CDH13: variants seen among roughly 807,000 people sequenced by gnomAD.
CDH13 encodes cadherin 13.
Under a neutral mutation model 63.8 loss-of-function variants are expected in CDH13, and 24 were observed. The observed-to-expected ratio is 0.38, with a 90% CI of 0.27 to 0.53. The LOEUF is 0.53. CDH13 is among the 20% of genes least tolerant of loss of function. The pLI is 0.85. For synonymous variants in CDH13, 503 were observed against 355.3 expected (o/e 1.42, Z -4.67); for missense variants, 1,049 against 903.1 (o/e 1.16, Z -2.07).
At position 83,215,770 on chromosome 16, in the gene CDH13, T is replaced by G. The variant is rs139224428; in HGVS notation, c.484-1575T>G. Among the ~76,000 whole-genome samples the G allele has an allele frequency of 2.3e-3, 353 of 152,298 alleles. 3 individuals are homozygous for G. Among genetic ancestry groups the G allele is most frequent in the African/African-American group, 8.2e-3 (339 of 41,574 alleles). ...CAACAGGTGCCTGTTCGTTTGTAAT[T>G]TGGTGACAGCTAGATCTGTATCAGC... is the stretch of plus-strand genomic sequence containing the variant. On this transcript the variant is annotated intron_variant, in intron 4 of 13. Transcript: ENST00000567109.
intron 2 of CDH13, among the ~76,000 whole-genome samples, chr16:83,003,388 G>T (rs562995098): frequency 2.4e-4 from 35 of 146,834 alleles, no homozygotes; most frequent in Non-Finnish European, 3.9e-4. Context: ...GCTTAAGTGG[G>T]TTTTTTTTTT....
At chr16:83,238,469 G>A (rs925791153) in intron 5 of CDH13, among the ~76,000 whole-genome samples, 2 of 152,198 alleles carry the variant, frequency 1.3e-5, no homozygotes, top group Admixed American at 1.3e-4. Flanking sequence ...ATGACATGGG[G>A]GGATTGTGGA....
At chr16:82,706,638 TAA>T (rs761433255) in intron 1 of CDH13, among the ~76,000 whole-genome samples, 4 of 134,572 alleles carry the variant, frequency 3.0e-5, no homozygotes, top group Non-Finnish European at 1.6e-5. Context: ...CTACTAAAAC[TAA>T]AAAAAAAAAA....
chr16:82,721,557 T>C (rs1370632442), intron 1 of CDH13, among the ~76,000 whole-genome samples: 3 of 152,078 alleles, frequency 2.0e-5, no homozygotes. Flanking sequence ...GTACTCCAGG[T>C]AGAAGTAACA....
At chr16:83,074,244 T>A (rs1022565294) in intron 3 of CDH13, among the ~76,000 whole-genome samples, 14 of 152,222 alleles carry the variant, frequency 9.2e-5, no homozygotes, top group African/African-American at 2.9e-4. Flanking sequence ...GTGCGATATT[T>A]CTCTTTCTGT....
intron 1 of CDH13, among the ~76,000 whole-genome samples, chr16:82,701,347 T>G (rs1444059030): frequency 6.6e-6 from 1 of 152,146 alleles, no homozygotes; most frequent in African/African-American, 2.4e-5. Context: ...TTTCTACAAC[T>G]TTGACTTCCA....
intron 5 of CDH13, among the ~76,000 whole-genome samples, chr16:83,243,754 G>A (rs1904708640): frequency 6.6e-6 from 1 of 152,178 alleles, no homozygotes; most frequent in Non-Finnish European, 1.5e-5. Flanking sequence ...GTCTTGTCCG[G>A]AGCAAACTGG....
chr16:83,442,532 T>C (rs1567675271), intron 6 of CDH13, among the ~76,000 whole-genome samples: 1 of 137,326 alleles, frequency 7.3e-6, no homozygotes, highest in Non-Finnish European at 1.5e-5. Context: ...AGCTTTGACC[T>C]GGAAAACTTT....
chr16:83,307,766 C>T (rs916804274), intron 5 of CDH13, among the ~76,000 whole-genome samples: 3 of 152,122 alleles, frequency 2.0e-5, no homozygotes, highest in African/African-American at 7.2e-5. Flanking sequence ...ATTTTTTCCC[C>T]GGAAATGTTA....
At chr16:83,056,111 A>C (rs1006005358) in intron 3 of CDH13, among the ~76,000 whole-genome samples, 2 of 152,214 alleles carry the variant, frequency 1.3e-5, no homozygotes, top group African/African-American at 4.8e-5. Flanking sequence ...GGTTTTTAGC[A>C]TCACTAGTCA....
chr16:82,662,328 C>T (rs190566727), intron 1 of CDH13, among the ~76,000 whole-genome samples: 134 of 152,196 alleles, frequency 8.8e-4, no homozygotes, highest in African/African-American at 2.7e-3. Context: ...CTTGAGGAGG[C>T]GGGGGTAGAT....
intron 3 of CDH13, among the ~76,000 whole-genome samples, chr16:83,040,565 A>G (rs1388543914): frequency 1.8e-4 from 28 of 152,170 alleles, no homozygotes; most frequent in Admixed American, 1.8e-3. Context: ...TGGAGGCCAG[A>G]GACTCAGCCA....
chr16:82,825,817 G>A (rs575598201), intron 1 of CDH13: 1 of 150,804 alleles, frequency 6.6e-6, no homozygotes, highest in South Asian at 2.1e-4. Context: ...ACAGTGCGAG[G>A]ATTACAGGCG....
intron 3 of CDH13, among the ~76,000 whole-genome samples, chr16:83,090,468 G>A (rs769811403): frequency 6.6e-6 from 1 of 151,868 alleles, no homozygotes; most frequent in African/African-American, 2.4e-5. Flanking sequence ...CAGCCACTTG[G>A]GAGGCTGAGG....
chr16:82,695,080 T>G (rs1381497), intron 1 of CDH13, among the ~76,000 whole-genome samples: 3 of 151,822 alleles, frequency 2.0e-5, no homozygotes, highest in Non-Finnish European at 4.4e-5. Context: ...TCCTGTCGGC[T>G]GGAGGAAGGG....
At chr16:82,892,804 A>T (rs943344026) in intron 2 of CDH13, among the ~76,000 whole-genome samples, 1 of 152,194 alleles carries the variant, frequency 6.6e-6, no homozygotes, top group Non-Finnish European at 1.5e-5. Context: ...GCAGTTCTAG[A>T]AATTTGCATC....
rs1907368624 is a variant in CDH13, at chr16:82,627,114, G to A, written c.22G>A (p.Val8Ile). The change falls in exon 1 of 14, where the codon GTT becomes ATT. Residue 8 changes from valine to isoleucine, a missense_variant. By Grantham distance (29) the Val-to-Ile change is conservative (BLOSUM62 3). Transcript: ENST00000567109. The stretch of plus-strand genomic sequence containing the variant: ...CAAAATGCAGCCGAGAACTCCGCTC[G>A]TTCTGTGCGTTCTCCTGTCCCAGGT... MQPRTPLVLCVLLSQVLL... is the reference protein window; with the variant it reads MQPRTPLILCVLLSQVLL... 1 of 1,606,386 alleles carries A rather than the reference G, an allele frequency of 6.2e-7. No homozygotes were observed. The highest frequency in any genetic ancestry group is 1.1e-5 in the South Asian group (1 of 89,418).
At chr16:83,027,837 G>C (rs1915960206) in intron 2 of CDH13, among the ~76,000 whole-genome samples, 1 of 152,118 alleles carries the variant, frequency 6.6e-6, no homozygotes, top group African/African-American at 2.4e-5. Context: ...CATATGTTAT[G>C]GTTTTCTCTG....
chr16:82,801,989 G>C (rs565741499), intron 1 of CDH13, among the ~76,000 whole-genome samples: 1 of 152,294 alleles, frequency 6.6e-6, no homozygotes, highest in African/African-American at 2.4e-5. Flanking sequence ...TGTGTGAATG[G>C]TAATGTCACC....
Sources: gnomAD v4.1 joint callset for allele counts (sites outside exome capture counted in the v4.1 genomes callset) on GRCh38, gnomAD v4.1.1 for gene constraint, MANE v1.5 for transcripts, NCBI Gene and HGNC (gene_info 2026-07-23, HGNC 2026-07-21) for gene names.